PRDM11: variants seen among roughly 807,000 people sequenced by gnomAD.
The protein encoded by PRDM11 is PR domain-containing protein 11.
PRDM11 carries 20 observed loss-of-function variants against 97.8 expected under a neutral mutation model. The ratio of observed to expected loss-of-function variants is 0.20; its 90% CI spans 0.14 to 0.30. The LOEUF (loss-of-function observed/expected upper bound fraction) is 0.30. Ranked by LOEUF, PRDM11 falls within the 10% of genes least tolerant of loss-of-function variation. The pLI, the probability that PRDM11 is intolerant of heterozygous loss-of-function variation, is 1.00. For synonymous variants in PRDM11, 599 were observed against 637.7 expected, an observed-to-expected ratio of 0.94 and a Z score of 0.91; for missense variants, 1,139 against 1,555.2, an observed-to-expected ratio of 0.73 and a Z score of 4.50.
At chr11:45,116,292 G>C (rs551329621) in intron 1 of PRDM11, among the ~76,000 whole-genome samples, 2 of 152,278 alleles carry the variant, frequency 1.3e-5, no homozygotes, top group South Asian at 2.1e-4. Context: ...AAAGTGCTTT[G>C]ATTTAACACC....
chr11:45,195,145 G>A (rs1274163007), intron 4 of PRDM11, among the ~76,000 whole-genome samples: 2 of 152,032 alleles, frequency 1.3e-5, no homozygotes, highest in Admixed American at 6.6e-5. Flanking sequence ...ACGTAAGATC[G>A]TTCCCTTCTC....
At chr11:45,106,082 G>A (rs558418515) in intron 1 of PRDM11, among the ~76,000 whole-genome samples, 3 of 152,202 alleles carry the variant, frequency 2.0e-5, no homozygotes, top group Non-Finnish European at 2.9e-5. Flanking sequence ...GCTCACCCAC[G>A]CCTGAACTTC....
At chr11:45,116,961 C>T (rs961647198) in intron 1 of PRDM11, among the ~76,000 whole-genome samples, 2 of 152,164 alleles carry the variant, frequency 1.3e-5, no homozygotes, top group Non-Finnish European at 2.9e-5. Context: ...CAATGGCTCA[C>T]GCCTGTAATC....
intron 1 of PRDM11, among the ~76,000 whole-genome samples, chr11:45,180,794 G>A (rs1426739422): frequency 1.3e-5 from 2 of 150,764 alleles, no homozygotes; most frequent in African/African-American, 2.4e-5. Context: ...ACACCGGCCC[G>A]AGACGGGGCG....
At chr11:45,098,059 A>G (rs1851914613) in intron 1 of PRDM11, among the ~76,000 whole-genome samples, 1 of 152,244 alleles carries the variant, frequency 6.6e-6, no homozygotes, top group Non-Finnish European at 1.5e-5. Context: ...AGGAGGAATT[A>G]GTCACGTGAC....
intron 1 of PRDM11, among the ~76,000 whole-genome samples, chr11:45,123,861 A>T (rs11038313): frequency 6.7e-6 from 1 of 148,720 alleles, no homozygotes; most frequent in Non-Finnish European, 1.5e-5. Flanking sequence ...TTTTAAAGTA[A>T]TTTTTTCCAA....
chr11:45,111,405 A>AT (rs1852176761), intron 1 of PRDM11, among the ~76,000 whole-genome samples: 10 of 54,614 alleles, frequency 1.8e-4, no homozygotes, highest in Admixed American at 7.0e-4. Context: ...GACAACAGGG[A>AT]CCTTGGGCCC....
chr11:45,211,110 C>G (rs1048246188), intron 5 of PRDM11, among the ~76,000 whole-genome samples: 2 of 152,174 alleles, frequency 1.3e-5, no homozygotes, highest in African/African-American at 2.4e-5. Context: ...CTTGGCAGAA[C>G]GGGGACCTGG....
In PRDM11 at chr11:45,224,229, T is replaced by C; in HGVS notation, c.755T>C (p.Leu252Ser). The change falls in exon 7 of 8, where the codon TTG becomes TCG. Residue 252 changes from leucine to serine, a missense_variant. By Grantham distance (145) the Leu-to-Ser change is moderately radical (BLOSUM62 -2). Around this residue, in one of 2 missense-constraint regions of PRDM11, gnomAD observed 429 missense variants for 510.3 expected, o/e 0.84. Transcript: ENST00000683152. ...TTTTCCTTCCTAGGAGAGAAGAGGT[T>C]GCAGAGGGAGAAGTCTGAGCAGGTT... ...HRNLARGEKR[L>S]QREKSEQVLD... The C allele has an allele frequency of 6.3e-7, 1 of 1,588,156 alleles. No homozygotes were observed. Among genetic ancestry groups the C allele is most frequent in the Non-Finnish European group, 8.6e-7 (1 of 1,169,388 alleles).
rs1427445280 is a variant in PRDM11 at position 45,224,707 on chromosome 11, C to T, written c.1233C>T (p.Cys411=). 6 of 1,614,124 alleles carry T rather than the reference C, an allele frequency of 3.7e-6. No individual in the cohort carries two copies. The African/African-American group carries it at 4.0e-5, about 11-fold the overall frequency. ...DPHELPTTSF[C]PNCIRLKKKV... Reference sequence around the variant, plus strand: ...ATGAACTTCCCACCACCTCTTTTTGCCCTAACTGTATTCGCCTAAAGAAGA... The same window carrying T: ...ATGAACTTCCCACCACCTCTTTTTGTCCTAACTGTATTCGCCTAAAGAAGA... Residue 411 remains cysteine (C), a synonymous_variant, in exon 7 of 8, where the codon TGC becomes TGT. Coordinates refer to ENST00000683152, the MANE Select transcript of PRDM11 (RefSeq NM_001384648.1).
intron 1 of PRDM11, among the ~76,000 whole-genome samples, chr11:45,110,455 C>T (rs1014623843): frequency 6.6e-6 from 1 of 152,280 alleles, no homozygotes; most frequent in African/African-American, 2.4e-5. Context: ...TGAGGAATTT[C>T]TTCTAAGCCA....
At chr11:45,096,048 C>T (rs749192773) in intron 1 of PRDM11, 1 of 664,338 alleles carries the variant, frequency 1.5e-6, no homozygotes, top group African/African-American at 1.8e-5. Flanking sequence ...TCCTTTCTGT[C>T]TAACATTACC....
chr11:45,228,767 A>G lies in PRDM11; in HGVS notation c.*608A>G, dbSNP rs1266762960. The G allele has an allele frequency of 6.6e-6, 1 of 151,814 alleles. No individual in the cohort carries two copies. The highest frequency in any genetic ancestry group is 6.6e-5 in the Admixed American group (1 of 15,226). The allele number at this position is 151,814 out of a possible 1,614,324, so 9.4% of individuals were successfully genotyped here. On this transcript the variant is annotated 3_prime_UTR_variant, in exon 8 of 8. Coordinates refer to ENST00000683152, the MANE Select transcript of PRDM11 (RefSeq NM_001384648.1). ...TGACTTCAGCTTGAGATCTTTTTTT[A>G]TTCATTTCCTGATGAGGGTTCCTTC...
intron 1 of PRDM11, among the ~76,000 whole-genome samples, chr11:45,119,070 A>G (rs1852364826): frequency 6.6e-6 from 1 of 152,134 alleles, no homozygotes; most frequent in Admixed American, 6.5e-5. Flanking sequence ...GTCCAAACAC[A>G]AGACCATATT....
At chr11:45,188,293 T>A (rs1852782945) in intron 4 of PRDM11, among the ~76,000 whole-genome samples, 1 of 152,194 alleles carries the variant, frequency 6.6e-6, no homozygotes, top group Non-Finnish European at 1.5e-5. Flanking sequence ...TAGGTATTAT[T>A]CCATCCATTG....
At chr11:45,122,465 TATCTCCTA>T (rs199522305) in intron 1 of PRDM11, among the ~76,000 whole-genome samples, 4,794 of 150,194 alleles carry the variant, frequency 0.032, 279 homozygotes, top group African/African-American at 0.11. Flanking sequence ...GCATTAGGTA[TATCTCCTA>T]ATGCTATCCC....
In PRDM11 at chr11:45,228,117, A is replaced by G; in HGVS notation, c.3492A>G (p.Leu1164=). 1.3e-6 allele frequency: 2 copies of G among 1,533,288 alleles called. No individual in the cohort carries two copies. Among genetic ancestry groups the G allele is most frequent in the Non-Finnish European group, 1.7e-6 (2 of 1,146,314 alleles). The allele number at this position is 1,533,288 out of a possible 1,614,324, so 95.0% of individuals were successfully genotyped here. A position where few individuals can be genotyped will look rare whatever the true frequency, so the allele number is the denominator to read the frequency against. The stretch of plus-strand genomic sequence containing the variant: ...CTGCGCTGGAGCAGAAGCCAGCACT[A>G]CAGACCATGGACCACGGGACGGAGT... ...RMSALEQKPA[L]QTMDHGTEFY... The change falls in exon 8 of 8, where the codon CTA becomes CTG. Residue 1164 remains leucine (L), a synonymous_variant. Coordinates refer to ENST00000683152, the MANE Select transcript of PRDM11 (RefSeq NM_001384648.1).
rs543843360 is a variant in PRDM11 at position 45,224,701 on chromosome 11, T to C, written c.1227T>C (p.Ser409=). The change falls in exon 7 of 8, where the codon TCT becomes TCC. Residue 409 remains serine (S), a synonymous_variant. Coordinates refer to ENST00000683152, the MANE Select transcript of PRDM11 (RefSeq NM_001384648.1). The stretch of plus-strand genomic sequence containing the variant: ...ACCCTCATGAACTTCCCACCACCTC[T>C]TTTTGCCCTAACTGTATTCGCCTAA... ...ASDPHELPTT[S]FCPNCIRLKK... The C allele has an allele frequency of 6.2e-7, 1 of 1,614,126 alleles. No homozygotes were observed. The highest frequency in any genetic ancestry group is 1.3e-5 in the African/African-American group (1 of 75,022).
At chr11:45,196,927 C>T (rs1025547913) in intron 4 of PRDM11, among the ~76,000 whole-genome samples, 2 of 152,200 alleles carry the variant, frequency 1.3e-5, no homozygotes, top group Admixed American at 6.5e-5. Context: ...AATGAGGATG[C>T]ACAGTCTAAT....
Sources: allele counts gnomAD v4.1 joint callset (sites outside exome capture counted in the v4.1 genomes callset), GRCh38; gene constraint gnomAD v4.1.1; regional missense constraint gnomAD v4.1.1; transcripts MANE v1.5; gene names NCBI Gene and HGNC (gene_info 2026-07-23, HGNC 2026-07-21).